The following KCNAB1 variants were observed in gnomAD, a reference collection of about 807,000 sequenced individuals.
KCNAB1 encodes potassium voltage-gated channel subfamily A regulatory beta subunit 1, also known as voltage-gated potassium channel subunit beta-1.
KCNAB1 carries 35 observed loss-of-function variants against 64.6 expected under a neutral mutation model. That is an observed-to-expected ratio of 0.54 (90% CI 0.41 to 0.72). The LOEUF (loss-of-function observed/expected upper bound fraction) is 0.72, where lower values mean the gene tolerates loss of function less well. KCNAB1 is among the 30% of genes least tolerant of loss of function. The probability of loss-of-function intolerance (pLI) is 0.00; values close to 1 mark genes in which losing one functional copy is unlikely to be tolerated. For missense variants in KCNAB1, 401 were observed against 512.9 expected (o/e 0.78, Z 2.11); for synonymous variants, 177 against 183.8 (o/e 0.96, Z 0.30).
intron 1 of KCNAB1, among the ~76,000 whole-genome samples, chr3:156,215,266 A>G (rs1014330614): frequency 6.6e-5 from 10 of 152,212 alleles, no homozygotes. Flanking sequence ...TACGCTCTTG[A>G]GCAAGGCATA....
chr3:156,182,628 T>A (rs1056526777), intron 1 of KCNAB1, among the ~76,000 whole-genome samples: 2 of 143,608 alleles, frequency 1.4e-5, no homozygotes, highest in Admixed American at 6.8e-5. Context: ...TGGTTTTTTT[T>A]TCCCCCCCCC....
At chr3:156,495,722 A>G (rs1715966614) in intron 8 of KCNAB1, among the ~76,000 whole-genome samples, 1 of 152,162 alleles carries the variant, frequency 6.6e-6, no homozygotes, top group African/African-American at 2.4e-5. Flanking sequence ...TAATAACCCT[A>G]TTCTATCATA....
chr3:156,245,352 G>A (rs2108454834), intron 1 of KCNAB1, among the ~76,000 whole-genome samples: 1 of 152,220 alleles, frequency 6.6e-6, no homozygotes, highest in Middle Eastern at 3.4e-3. Flanking sequence ...TTAAAAGAAC[G>A]ATAATCATTC....
intron 1 of KCNAB1, among the ~76,000 whole-genome samples, chr3:156,329,329 C>A (rs1354279760): frequency 6.6e-6 from 1 of 152,040 alleles, no homozygotes; most frequent in East Asian, 1.9e-4. Context: ...AAGTAGGAAA[C>A]AAGAGATTGA....
intron 1 of KCNAB1, among the ~76,000 whole-genome samples, chr3:156,141,752 A>G (rs1181386720): frequency 2.0e-5 from 3 of 152,236 alleles, no homozygotes; most frequent in African/African-American, 4.8e-5. Flanking sequence ...TCATGTGAAC[A>G]TAAGTTTTCA....
intron 1 of KCNAB1, among the ~76,000 whole-genome samples, chr3:156,302,172 G>A (rs9844584): frequency 0.15 from 22,290 of 151,918 alleles, 4,436 homozygotes; most frequent in African/African-American, 0.45. Context: ...CTGTCTTCAC[G>A]TCTCTTTTTT....
At chr3:156,389,516 T>G (rs1456403783) in intron 1 of KCNAB1, among the ~76,000 whole-genome samples, 1 of 152,176 alleles carries the variant, frequency 6.6e-6, no homozygotes, top group East Asian at 1.9e-4. Context: ...GAGATCTGTT[T>G]ATGGCAGTGA....
chr3:156,385,863 AT>A (rs1322396573), intron 1 of KCNAB1, among the ~76,000 whole-genome samples: 1 of 152,220 alleles, frequency 6.6e-6, no homozygotes, highest in East Asian at 1.9e-4. Flanking sequence ...TTGGATTTCA[AT>A]TTTTTTAATG....
At chr3:156,282,963 A>G (rs1161227660) in intron 1 of KCNAB1, among the ~76,000 whole-genome samples, 1 of 150,426 alleles carries the variant, frequency 6.6e-6, no homozygotes, top group African/African-American at 2.4e-5. Flanking sequence ...TAGTCCATTT[A>G]CATTTAAAGT....
At chr3:156,198,566 C>G (rs1030084205) in intron 1 of KCNAB1, among the ~76,000 whole-genome samples, 1 of 148,442 alleles carries the variant, frequency 6.7e-6, no homozygotes, top group African/African-American at 2.5e-5. Context: ...CTTTTTGGAT[C>G]TTTGCTGGTT....
intron 12 of KCNAB1, among the ~76,000 whole-genome samples, chr3:156,530,797 G>T (rs930921945): frequency 1.3e-5 from 2 of 152,166 alleles, no homozygotes; most frequent in Admixed American, 6.5e-5. Flanking sequence ...CAGAAACCTA[G>T]AGTCTACAAG....
At chr3:156,373,143 C>T (rs1340159333) in intron 1 of KCNAB1, among the ~76,000 whole-genome samples, 5 of 152,206 alleles carry the variant, frequency 3.3e-5, no homozygotes, top group African/African-American at 9.7e-5. Flanking sequence ...CAGCTCTGAG[C>T]TTCTTAGGTC....
intron 1 of KCNAB1, chr3:156,143,247 A>C (rs752052047): frequency 6.2e-7 from 1 of 1,613,926 alleles, no homozygotes; most frequent in Non-Finnish European, 8.5e-7. Flanking sequence ...AATCCAGTGA[A>C]TCGGCTCTAA....
chr3:156,153,986 G>A (rs1184840407), intron 1 of KCNAB1, among the ~76,000 whole-genome samples: 1 of 152,102 alleles, frequency 6.6e-6, no homozygotes, highest in South Asian at 2.1e-4. Flanking sequence ...TCCATCTCCT[G>A]TTAGTTGTGT....
At chr3:156,258,899 G>A (rs1718263779) in intron 1 of KCNAB1, among the ~76,000 whole-genome samples, 1 of 152,192 alleles carries the variant, frequency 6.6e-6, no homozygotes, top group Non-Finnish European at 1.5e-5. Context: ...GACTTTAGCT[G>A]TAGAATGGCA....
intron 1 of KCNAB1, among the ~76,000 whole-genome samples, chr3:156,205,410 G>A (rs1176037416): frequency 2.6e-5 from 4 of 152,110 alleles, no homozygotes; most frequent in Non-Finnish European, 4.4e-5. Flanking sequence ...TGTGAATTAA[G>A]CCAGTGGAAG....
At chr3:156,391,736 G>A (rs866337579) in intron 1 of KCNAB1, among the ~76,000 whole-genome samples, 5 of 152,096 alleles carry the variant, frequency 3.3e-5, no homozygotes, top group Admixed American at 2.0e-4. Flanking sequence ...CATTGACCAG[G>A]CAAACATTTT....
intron 1 of KCNAB1, among the ~76,000 whole-genome samples, chr3:156,313,976 C>A (rs1047228454): frequency 2.2e-4 from 34 of 152,316 alleles, no homozygotes; most frequent in African/African-American, 7.9e-4. Flanking sequence ...CTTCTTTCCC[C>A]ATCTGGTTAG....
chr3:156,316,709 C>T (rs1722301479), intron 1 of KCNAB1, among the ~76,000 whole-genome samples: 1 of 152,126 alleles, frequency 6.6e-6, no homozygotes, highest in African/African-American at 2.4e-5. Context: ...GAAGAGGGCC[C>T]CTGCCAGGAG....
Sources: gnomAD v4.1 joint callset for allele counts (sites outside exome capture counted in the v4.1 genomes callset) on GRCh38, gnomAD v4.1.1 for gene constraint, MANE v1.5 for transcripts, NCBI Gene and HGNC (gene_info 2026-07-23, HGNC 2026-07-21) for gene names.